Variants in TMEM132B observed in about 807,000 individuals in gnomAD.
The protein encoded by TMEM132B is transmembrane protein 132B.
A neutral mutation model predicts 90.8 loss-of-function variants in TMEM132B; 18 were observed. The observed-to-expected ratio is 0.20, with a 90% CI of 0.14 to 0.29. TMEM132B has a LOEUF of 0.29. TMEM132B is among the 10% of genes least tolerant of loss of function. TMEM132B has a pLI of 1.00. For missense variants in TMEM132B, 1,096 were observed against 1,326.8 expected (o/e 0.83, Z 2.70); for synonymous variants, 504 against 523.3 (o/e 0.96, Z 0.50).
chr12:125,557,357 T>G (rs1884415648), intron 4 of TMEM132B, among the ~76,000 whole-genome samples: 1 of 152,114 alleles, frequency 6.6e-6, no homozygotes, highest in African/African-American at 2.4e-5. Flanking sequence ...TTGGGGTTGC[T>G]ATAGGGGTCT....
intron 2 of TMEM132B, among the ~76,000 whole-genome samples, chr12:125,393,026 A>G (rs1879071600): frequency 6.6e-6 from 1 of 152,154 alleles, no homozygotes; most frequent in Non-Finnish European, 1.5e-5. Flanking sequence ...ACCAAGTTTT[A>G]CTGGAGACCG....
chr12:125,224,071 C>T (rs1873623212), intron 1 of TMEM132B, among the ~76,000 whole-genome samples: 1 of 152,218 alleles, frequency 6.6e-6, no homozygotes, highest in Non-Finnish European at 1.5e-5. Flanking sequence ...ACCACCGTGC[C>T]CGGCCTAATG....
chr12:125,646,854 A>G (rs1361206116), intron 6 of TMEM132B, among the ~76,000 whole-genome samples: 2 of 152,252 alleles, frequency 1.3e-5, no homozygotes, highest in Non-Finnish European at 2.9e-5. Flanking sequence ...ATGAGAAAAG[A>G]TGATCAACTG....
At chr12:125,590,600 C>T (rs1885293747) in intron 5 of TMEM132B, among the ~76,000 whole-genome samples, 1 of 152,178 alleles carries the variant, frequency 6.6e-6, no homozygotes, top group Non-Finnish European at 1.5e-5. Flanking sequence ...TCTCATGGGA[C>T]TTCACAAATA....
intron 5 of TMEM132B, among the ~76,000 whole-genome samples, chr12:125,628,364 A>G (rs1886283035): frequency 2.0e-5 from 3 of 152,120 alleles, no homozygotes; most frequent in Non-Finnish European, 2.9e-5. Flanking sequence ...ATAATATCTC[A>G]TTGTGGTTTT....
At chr12:125,518,529 G>A (rs1883224642) in intron 3 of TMEM132B, among the ~76,000 whole-genome samples, 1 of 152,184 alleles carries the variant, frequency 6.6e-6, no homozygotes, top group Non-Finnish European at 1.5e-5. Context: ...TGGATTCACT[G>A]GGATGGAAAC....
At chr12:125,508,532 C>G (rs1298668609) in intron 3 of TMEM132B, among the ~76,000 whole-genome samples, 1 of 152,136 alleles carries the variant, frequency 6.6e-6, no homozygotes, top group Non-Finnish European at 1.5e-5. Flanking sequence ...CCCTCCATGG[C>G]CACCTGGGAA....
chr12:125,534,171 T>C (rs11058228), intron 4 of TMEM132B, among the ~76,000 whole-genome samples: 29,114 of 152,170 alleles, frequency 0.19, 3,492 homozygotes, highest in East Asian at 0.43. Flanking sequence ...AATATGAAGT[T>C]TCTGAACTTC....
intron 4 of TMEM132B, among the ~76,000 whole-genome samples, chr12:125,572,028 G>T (rs758559855): frequency 1.3e-5 from 2 of 152,048 alleles, no homozygotes; most frequent in Non-Finnish European, 2.9e-5. Flanking sequence ...TGTCTTTTAG[G>T]CTGTGACATA....
chr12:125,297,906 T>A (rs140048418), intron 1 of TMEM132B, among the ~76,000 whole-genome samples: 3 of 152,292 alleles, frequency 2.0e-5, no homozygotes, highest in Non-Finnish European at 4.4e-5. Context: ...TTATCCACGC[T>A]CCTTTCTCCG....
chr12:125,504,089 C>T lies in TMEM132B; in HGVS notation c.1107-15350C>T, dbSNP rs572649727. 9.2e-5 allele frequency among the ~76,000 whole-genome samples: 14 copies of T among 152,244 alleles called. No homozygotes were observed. In the South Asian group the frequency reaches 2.9e-3, roughly 32 times the overall value. ...TTGGTGACAGGAGAATTTCTGTTTC[C>T]TGGAGGAGAGCTCTTCACTTAGGGA... is the stretch of plus-strand genomic sequence containing the variant. On this transcript the variant is annotated intron_variant, in intron 3 of 8. Transcript: ENST00000682704.
At chr12:125,218,035 G>A (rs1873476762) in intron 1 of TMEM132B, among the ~76,000 whole-genome samples, 1 of 152,216 alleles carries the variant, frequency 6.6e-6, no homozygotes, top group Admixed American at 6.5e-5. Flanking sequence ...ACTGTAAGAT[G>A]TGCTTTTAAT....
chr12:125,651,763 G>T lies in TMEM132B; in HGVS notation c.1915-678G>T, dbSNP rs146589162. Among the ~76,000 whole-genome samples the T allele has an allele frequency of 1.1e-4, 16 of 152,316 alleles. No homozygotes were observed. The East Asian group carries it at 2.9e-3, about 28-fold the overall frequency. On this transcript the variant is annotated intron_variant, in intron 7 of 8. Transcript: ENST00000682704. ...GGCTGGCCTGGGCTCTTATCTGGGA[G>T]TTTGGGGAAAGGCTTGGCTTCCAAG... is the stretch of plus-strand genomic sequence containing the variant.
At chr12:125,505,694 G>A (rs1267468835) in intron 3 of TMEM132B, among the ~76,000 whole-genome samples, 26 of 145,866 alleles carry the variant, frequency 1.8e-4, no homozygotes, top group African/African-American at 3.8e-4. Flanking sequence ...GCGAAACCCC[G>A]TCTCAGAAAA....
intron 6 of TMEM132B, among the ~76,000 whole-genome samples, chr12:125,649,100 TACTC>T (rs1399720782): frequency 6.6e-6 from 1 of 152,246 alleles, no homozygotes; most frequent in Non-Finnish European, 1.5e-5. Context: ...CCATCTCTCT[TACTC>T]ACGGAGATAC....
At chr12:125,243,032 T>TATATATATATATATATATATACACAC (rs1215676534) in intron 1 of TMEM132B, among the ~76,000 whole-genome samples, 12 of 135,020 alleles carry the variant, frequency 8.9e-5, no homozygotes, top group Non-Finnish European at 1.9e-4. Flanking sequence ...TATATATATA[T>TATATATATATATATATATATACACAC]ACACACACAC....
chr12:125,509,043 C>A (rs1328957629), intron 3 of TMEM132B, among the ~76,000 whole-genome samples: 2 of 152,094 alleles, frequency 1.3e-5, no homozygotes, highest in Non-Finnish European at 2.9e-5. Flanking sequence ...CTCGGCCTCT[C>A]AACATGCTGG....
At chr12:125,320,672 C>T (rs189894548) in intron 1 of TMEM132B, among the ~76,000 whole-genome samples, 1 of 152,214 alleles carries the variant, frequency 6.6e-6, no homozygotes. Context: ...AGTCTTTGGC[C>T]GACTTAAATG....
intron 2 of TMEM132B, among the ~76,000 whole-genome samples, chr12:125,384,227 G>A (rs1489566843): frequency 6.6e-6 from 1 of 152,190 alleles, no homozygotes; most frequent in Non-Finnish European, 1.5e-5. Flanking sequence ...ACAGGCGTGA[G>A]CCATCACGCC....
Sources: allele counts gnomAD v4.1 joint callset (sites outside exome capture counted in the v4.1 genomes callset), GRCh38; gene constraint gnomAD v4.1.1; transcripts MANE v1.5; gene names NCBI Gene and HGNC (gene_info 2026-07-23, HGNC 2026-07-21).